Variants in CDH11 observed in about 807,000 individuals in gnomAD.
The protein encoded by CDH11 is cadherin 11, also known as cadherin-11.
CDH11 carries 11 observed loss-of-function variants against 67.8 expected under a neutral mutation model. The ratio of observed to expected loss-of-function variants is 0.16; its 90% CI spans 0.10 to 0.27. The LOEUF (loss-of-function observed/expected upper bound fraction) is 0.27, where lower values mean the gene tolerates loss of function less well. Ranked by LOEUF, CDH11 falls within the 10% of genes least tolerant of loss-of-function variation. CDH11 has a pLI of 1.00. For missense variants in CDH11, 847 were observed against 1,031.2 expected, an observed-to-expected ratio of 0.82 and a Z score of 2.45; for synonymous variants, 419 against 400.0, an observed-to-expected ratio of 1.05 and a Z score of -0.57.
intron 2 of CDH11, among the ~76,000 whole-genome samples, chr16:65,023,535 T>C (rs1395487600): frequency 1.3e-5 from 2 of 152,150 alleles, no homozygotes; most frequent in Admixed American, 6.5e-5. Flanking sequence ...ATTAAGAAAG[T>C]AAAGAAATAA....
chr16:64,971,770 G>A (rs2072011629), intron 10 of CDH11, 74 bp from the exon 11 acceptor site: 1 of 1,406,050 alleles, frequency 7.1e-7, no homozygotes, highest in Non-Finnish European at 1.0e-6. Context: ...TTTCTGGCTG[G>A]CTAGAAAGCC....
intron 1 of CDH11, among the ~76,000 whole-genome samples, chr16:65,108,684 T>TAA (rs56412091): frequency 0.012 from 1,853 of 150,276 alleles, 37 homozygotes; most frequent in African/African-American, 0.041. Context: ...AATCAATATT[T>TAA]AAAAAAAAAA....
chr16:65,082,042 T>C (rs1446541359), intron 1 of CDH11, among the ~76,000 whole-genome samples: 3 of 152,192 alleles, frequency 2.0e-5, no homozygotes, highest in African/African-American at 7.2e-5. Flanking sequence ...CAGGCTCTCA[T>C]CTTCCCATCT....
rs1382153066 is a variant in CDH11 at position 64,944,663 on chromosome 16, TCCAAGAGGTGCAAATAAACTA to T, written c.*2919_*2939del. On this transcript the variant is annotated 3_prime_UTR_variant, in exon 13 of 13. Coordinates refer to ENST00000268603, the MANE Select transcript of CDH11 (RefSeq NM_001797.4). ...TGATCTCTATATTTTTAAGCAATTC[TCCAAGAGGTGCAAATAAACTA>T]CTCTTTTATCTTCCCTGTCACCCCC... 1 of 231,664 alleles carries T rather than the reference TCCAAGAGGTGCAAATAAACTA, an allele frequency of 4.3e-6. No individual in the cohort carries two copies. Among genetic ancestry groups the T allele is most frequent in the Non-Finnish European group, 8.5e-6 (1 of 117,126 alleles). The allele number at this position is 231,664 out of a possible 1,614,324, so 14.4% of individuals were successfully genotyped here.
chr16:64,965,762 G>A (rs888352290), intron 11 of CDH11, among the ~76,000 whole-genome samples: 8 of 141,824 alleles, frequency 5.6e-5, no homozygotes, highest in African/African-American at 1.4e-4. Flanking sequence ...ATTGTTATGC[G>A]GTGCATGAAA....
At chr16:65,015,755 C>T (rs973635501) in intron 2 of CDH11, among the ~76,000 whole-genome samples, 5 of 152,190 alleles carry the variant, frequency 3.3e-5, no homozygotes, top group African/African-American at 9.7e-5. Flanking sequence ...CAGAGAACCA[C>T]TCCCCATAGT....
rs375463853 is a variant in CDH11 at position 65,040,327 on chromosome 16, G to T, written c.-173+13477C>A. ...ACCCAAATGTCCAACAATGATAGAC[G>T]GGATTAAGAAAATGTGACACATATA... On this transcript the variant is annotated intron_variant, in intron 2 of 12. Transcript: ENST00000268603. Among the ~76,000 whole-genome samples, 157 of 152,220 alleles carry T rather than the reference G, an allele frequency of 1.0e-3. 2 individuals carry two copies. The East Asian group carries it at 0.017, about 17-fold the overall frequency.
At chr16:64,982,431 A>T in intron 7 of CDH11, 130 bp from the exon 8 acceptor site, 1 of 709,092 alleles carries the variant, frequency 1.4e-6, no homozygotes, top group Non-Finnish European at 2.3e-6. Context: ...TCAATTTCCA[A>T]TTACCTGAGC....
Position 65,121,950 on chromosome 16 carries a change from A to G in CDH11, c.-368T>C, listed in dbSNP as rs1318386016. ...GGCGCAGGGCAAGCGCTGCGGTGTC[A>G]GTCCCGGCCCCAGTCCCGGTCCCAT... is the stretch of plus-strand genomic sequence containing the variant. On this transcript the variant is annotated 5_prime_UTR_variant, in exon 1 of 13. Coordinates refer to ENST00000268603, the MANE Select transcript of CDH11 (RefSeq NM_001797.4). This position sits in a 1 kb window ranked among gnomAD's most constrained non-coding sequence, Gnocchi z 4.1. The G allele has an allele frequency of 8.5e-6, 6 of 701,780 alleles. No homozygotes were observed. Among genetic ancestry groups the G allele is most frequent in the Admixed American group, 8.0e-5 (4 of 49,986 alleles). The allele number at this position is 701,780 out of a possible 1,614,324, so 43.5% of individuals were successfully genotyped here.
chr16:65,002,027 T>C (rs1207630908), intron 3 of CDH11, among the ~76,000 whole-genome samples: 1 of 152,158 alleles, frequency 6.6e-6, no homozygotes, highest in Non-Finnish European at 1.5e-5. Flanking sequence ...TGTCATCAAA[T>C]CAAAGGTTGT....
In CDH11 at chr16:65,051,706, T is replaced by C. The variant is rs550684363; in HGVS notation, c.-173+2098A>G. 7.9e-5 allele frequency among the ~76,000 whole-genome samples: 12 copies of C among 152,324 alleles called. No individual in the cohort carries two copies. In the East Asian group the frequency reaches 2.3e-3, roughly 29 times the overall value. The stretch of plus-strand genomic sequence containing the variant: ...TTCCTCCATGCTGTTCTTGTGATAC[T>C]GAGTGAGTTCTCACAAGATCTGATA... On this transcript the variant is annotated intron_variant, in intron 2 of 12. Coordinates refer to ENST00000268603, the MANE Select transcript of CDH11 (RefSeq NM_001797.4).
Position 65,121,218 on chromosome 16 carries a change from C to G in CDH11, c.-298+662G>C, listed in dbSNP as rs890981669. On this transcript the variant is annotated intron_variant, in intron 1 of 12. Transcript: ENST00000268603. This position sits in a 1 kb window ranked among gnomAD's most constrained non-coding sequence, Gnocchi z 4.1. ...ACGGGCGCCAGAGCTCCCGCAGAGA[C>G]TCGGGCTGGAGGGCTGTAGCGCACC... Among the ~76,000 whole-genome samples the G allele has an allele frequency of 5.9e-5, 9 of 152,214 alleles. No individual in the cohort carries two copies. Among genetic ancestry groups the G allele is most frequent in the African/African-American group, 1.7e-4 (7 of 41,466 alleles).
chr16:64,997,300 A>AAAATAAATAAATAAATAAAT (rs71143544), intron 4 of CDH11, among the ~76,000 whole-genome samples: 8 of 125,156 alleles, frequency 6.4e-5, no homozygotes, highest in East Asian at 2.4e-4. Flanking sequence ...ACTCTGTCTC[A>AAAATAAATAAATAAATAAAT]AAATAAATAA....
intron 1 of CDH11, among the ~76,000 whole-genome samples, chr16:65,097,416 T>G (rs2074917620): frequency 1.3e-5 from 2 of 152,230 alleles, no homozygotes; most frequent in Admixed American, 1.3e-4. Flanking sequence ...ACCCTCATTC[T>G]CTAGGGTAGG....
chr16:65,065,806 T>C (rs918622984), intron 1 of CDH11, among the ~76,000 whole-genome samples: 3 of 152,242 alleles, frequency 2.0e-5, no homozygotes, highest in South Asian at 2.1e-4. Context: ...GGCCTGCTCA[T>C]GCCACTCTCA....
At chr16:64,964,364 T>C (rs912340315) in intron 11 of CDH11, among the ~76,000 whole-genome samples, 1 of 152,132 alleles carries the variant, frequency 6.6e-6, no homozygotes, top group Non-Finnish European at 1.5e-5. Flanking sequence ...AGCAAATATT[T>C]GTGTGTTGAA....
At chr16:64,952,154 A>G (rs1276192812) in intron 11 of CDH11, among the ~76,000 whole-genome samples, 2 of 152,122 alleles carry the variant, frequency 1.3e-5, no homozygotes, top group South Asian at 2.1e-4. Flanking sequence ...TCCTTTTATC[A>G]TAACAGTTGT....
At chr16:65,064,702 CT>C (rs2074285818) in intron 1 of CDH11, among the ~76,000 whole-genome samples, 2 of 152,196 alleles carry the variant, frequency 1.3e-5, no homozygotes, top group Admixed American at 6.5e-5. Context: ...TTAATTGTAT[CT>C]GTTTTTTGAC....
At chr16:65,025,237 TG>T (rs2073508554) in intron 2 of CDH11, among the ~76,000 whole-genome samples, 1 of 152,166 alleles carries the variant, frequency 6.6e-6, no homozygotes, top group Admixed American at 6.5e-5. Context: ...AGATAACAAA[TG>T]GGGAAACCCT....
Sources: allele counts gnomAD v4.1 joint callset (sites outside exome capture counted in the v4.1 genomes callset), GRCh38; gene constraint gnomAD v4.1.1; non-coding constraint Gnocchi (gnomAD v3.1); transcripts MANE v1.5; gene names NCBI Gene and HGNC (gene_info 2026-07-23, HGNC 2026-07-21).